The following CHIC1 variants were observed in gnomAD, a reference collection of about 807,000 sequenced individuals.
The protein encoded by CHIC1 is cysteine-rich hydrophobic domain-containing protein 1.
In CHIC1, 7 loss-of-function variants were observed where a neutral mutation model predicts 18.5. That is an observed-to-expected ratio of 0.38 (90% CI 0.22 to 0.71). CHIC1 has a LOEUF of 0.71. CHIC1 is among the 30% of genes least tolerant of loss of function. CHIC1 has a pLI of 0.49. For synonymous variants in CHIC1, 77 were observed against 73.5 expected, an observed-to-expected ratio of 1.05 and a Z score of -0.25; for missense variants, 159 against 176.9, an observed-to-expected ratio of 0.90 and a Z score of 0.57.
chrX:73,674,611 G>T (rs2058051510), intron 3 of CHIC1, among the ~76,000 whole-genome samples: 1 of 111,509 alleles, frequency 9.0e-6, no homozygotes. Context: ...GCATCTGTTT[G>T]ATTCTTCTCT....
rs757711728 is a variant in CHIC1 at position 73,625,075 on chromosome X, A to G, written c.507+40503A>G. On this transcript the variant is annotated intron_variant, in intron 3 of 5. Transcript: ENST00000373502. The stretch of plus-strand genomic sequence containing the variant: ...CCCTAGTAACCTTGCTTGCTACATC[A>G]AAGCCCTTGGGGCCAAGCCACAACA... Among the ~76,000 whole-genome samples, 5 of 110,926 alleles carry G rather than the reference A, an allele frequency of 4.5e-5. No homozygotes were observed. The East Asian group carries it at 1.4e-3, about 31-fold the overall frequency.
At chrX:73,654,474 A>T (rs1304912327) in intron 3 of CHIC1, among the ~76,000 whole-genome samples, 2 of 111,489 alleles carry the variant, frequency 1.8e-5, no homozygotes, top group East Asian at 5.6e-4. Flanking sequence ...TATGTTCATG[A>T]CGTATATTAG....
chrX:73,597,625 A>T (rs1303459561), intron 3 of CHIC1, among the ~76,000 whole-genome samples: 1 of 108,377 alleles, frequency 9.2e-6, no homozygotes, highest in Non-Finnish European at 1.9e-5. Flanking sequence ...ACACACATAT[A>T]TATATATATA....
chrX:73,644,317 G>A (rs1045358333), intron 3 of CHIC1, among the ~76,000 whole-genome samples: 8 of 112,483 alleles, frequency 7.1e-5, no homozygotes, highest in Non-Finnish European at 1.1e-4. Context: ...TCCAAGTTAG[G>A]CTGCTCGGGG....
chrX:73,670,504 T>C (rs1367679334), intron 3 of CHIC1, among the ~76,000 whole-genome samples: 1 of 111,078 alleles, frequency 9.0e-6, no homozygotes, highest in East Asian at 2.8e-4. Flanking sequence ...TCTATATTAT[T>C]TTTTCTACTA....
intron 3 of CHIC1, among the ~76,000 whole-genome samples, chrX:73,642,761 C>G (rs2057864547): frequency 9.1e-6 from 1 of 110,033 alleles, no homozygotes; most frequent in South Asian, 4.0e-4. Context: ...TTCCCAGCAC[C>G]ATTTATTAAA....
chrX:73,567,039 G>T (rs1419093545), intron 1 of CHIC1, among the ~76,000 whole-genome samples: 3 of 111,696 alleles, frequency 2.7e-5, no homozygotes, highest in Non-Finnish European at 5.7e-5. Context: ...TTCTCCTGGT[G>T]TTCCTTTTAT....
At chrX:73,584,663 A>C in intron 3 of CHIC1, 91 bp downstream of exon 3, 3 of 634,136 alleles carry the variant, frequency 4.7e-6, no homozygotes, top group Non-Finnish European at 6.7e-6. Flanking sequence ...AGTACTTTAC[A>C]CAATTTAGTT....
Position 73,683,833 on chromosome X carries a change from G to A in CHIC1, c.*2828G>A, listed in dbSNP as rs1309062048. The stretch of plus-strand genomic sequence containing the variant: ...AGCTTGTCCTAAAAGCCAATAACAT[G>A]TTTATTCCTAATAACTAATATGGGC... On this transcript the variant is annotated 3_prime_UTR_variant, in exon 6 of 6. Coordinates refer to ENST00000373502, the MANE Select transcript of CHIC1 (RefSeq NM_001039840.4). 2.7e-5 allele frequency: 3 copies of A among 111,609 alleles called. No homozygotes were observed. Among genetic ancestry groups the A allele is most frequent in the Non-Finnish European group, 5.7e-5 (3 of 52,781 alleles). The allele number at this position is 111,609 out of a possible 1,213,427, so 9.2% of individuals were successfully genotyped here.
chrX:73,686,483 T>C lies in CHIC1; in HGVS notation c.*5478T>C. The C allele has an allele frequency of 8.9e-6, 1 of 112,097 alleles. No homozygotes were observed. The allele number at this position is 112,097 out of a possible 1,213,427, so 9.2% of individuals were successfully genotyped here. ...ATTGGACTAAATATCAATTTCTGAC[T>C]CTTAAAGTAGTTCTGTGTATAAATT... On this transcript the variant is annotated 3_prime_UTR_variant, in exon 6 of 6. Coordinates refer to ENST00000373502, the MANE Select transcript of CHIC1 (RefSeq NM_001039840.4).
chrX:73,660,471 A>G (rs1428370406), intron 3 of CHIC1, among the ~76,000 whole-genome samples: 3 of 112,065 alleles, frequency 2.7e-5, no homozygotes, highest in African/African-American at 9.7e-5. Context: ...GTTGCAGACA[A>G]AGCAAGAGCA....
chrX:73,584,848 T>C (rs2057545432), intron 3 of CHIC1, among the ~76,000 whole-genome samples: 1 of 111,419 alleles, frequency 9.0e-6, no homozygotes. Flanking sequence ...GGGCTACTTA[T>C]TCTTTTTAAA....
intron 3 of CHIC1, among the ~76,000 whole-genome samples, chrX:73,637,901 A>C (rs997607678): frequency 9.0e-6 from 1 of 110,857 alleles, no homozygotes; most frequent in East Asian, 2.8e-4. Context: ...GGAGTGGGCT[A>C]TGCCTTCTTG....
At chrX:73,644,475 C>T (rs1057301636) in intron 3 of CHIC1, among the ~76,000 whole-genome samples, 1 of 112,409 alleles carries the variant, frequency 8.9e-6, no homozygotes, top group African/African-American at 3.2e-5. Flanking sequence ...TGTGCCCTGC[C>T]CCCAGAAGTG....
At chrX:73,598,738 G>A (rs1490423597) in intron 3 of CHIC1, among the ~76,000 whole-genome samples, 14 of 110,303 alleles carry the variant, frequency 1.3e-4, no homozygotes, top group South Asian at 7.9e-4. Context: ...TCATTGTTGG[G>A]CATTTGGGTT....
At chrX:73,656,521 G>A (rs2057950083) in intron 3 of CHIC1, among the ~76,000 whole-genome samples, 1 of 111,477 alleles carries the variant, frequency 9.0e-6, no homozygotes, top group Non-Finnish European at 1.9e-5. Context: ...TTTGCATATG[G>A]CTAGCCAGTT....
At chrX:73,577,582 T>C in intron 2 of CHIC1, 121 bp downstream of exon 2, 1 of 524,235 alleles carries the variant, frequency 1.9e-6, no homozygotes, top group Admixed American at 2.7e-5. Context: ...GCCTCAGTAG[T>C]TGGAAGCTGT....
chrX:73,650,626 C>G (rs891329220), intron 3 of CHIC1, among the ~76,000 whole-genome samples: 1 of 106,869 alleles, frequency 9.4e-6, no homozygotes, highest in Admixed American at 1.0e-4. Flanking sequence ...CAAGACTAAA[C>G]CAGGAAGAAG....
At chrX:73,595,059 C>T (rs1473153528) in intron 3 of CHIC1, among the ~76,000 whole-genome samples, 1 of 111,409 alleles carries the variant, frequency 9.0e-6, no homozygotes, top group African/African-American at 3.3e-5. Flanking sequence ...CTGTAGTAAA[C>T]ATTACTATAC....
Sources: gnomAD v4.1 joint callset for allele counts (sites outside exome capture counted in the v4.1 genomes callset) on GRCh38, gnomAD v4.1.1 for gene constraint, MANE v1.5 for transcripts, NCBI Gene and HGNC (gene_info 2026-07-23, HGNC 2026-07-21) for gene names.